The following ATP8A2 variants were observed in gnomAD, a reference collection of about 807,000 sequenced individuals.
ATP8A2 encodes phospholipid-transporting ATPase IB.
Under a neutral mutation model 165.6 loss-of-function variants are expected in ATP8A2, and 100 were observed. The ratio of observed to expected loss-of-function variants is 0.60; its 90% CI spans 0.51 to 0.71. ATP8A2 has a LOEUF of 0.71. ATP8A2 is among the 30% of genes least tolerant of loss of function. ATP8A2 has a pLI of 0.00. For synonymous variants in ATP8A2, 543 were observed against 548.8 expected (o/e 0.99, Z 0.15); for missense variants, 1,227 against 1,479.5 (o/e 0.83, Z 2.80).
At chr13:25,640,902 C>T (rs1298533180) in intron 24 of ATP8A2, among the ~76,000 whole-genome samples, 4 of 152,146 alleles carry the variant, frequency 2.6e-5, no homozygotes, top group African/African-American at 9.7e-5. Context: ...AAAGCTTATC[C>T]ACCATGATCA....
rs1433611461 is a variant in ATP8A2, at chr13:25,712,560, G to A, written c.2384+13215G>A. On this transcript the variant is annotated intron_variant, in intron 25 of 36. Transcript: ENST00000381655. The stretch of plus-strand genomic sequence containing the variant: ...TTTGGTATGAAATCCATGTGCTACT[G>A]ATAGCAGGGTAATCCTGTGGATTTG... Among the ~76,000 whole-genome samples, 3 of 152,334 alleles carry A rather than the reference G, an allele frequency of 2.0e-5. No homozygotes were observed. In the East Asian group the frequency reaches 5.8e-4, roughly 29 times the overall value.
intron 25 of ATP8A2, among the ~76,000 whole-genome samples, chr13:25,706,024 C>T (rs2043048755): frequency 6.6e-6 from 1 of 152,098 alleles, no homozygotes. Flanking sequence ...ATAATGGATT[C>T]AAGGATAAGC....
chr13:25,540,301 T>G lies in ATP8A2; in HGVS notation c.582-18T>G, dbSNP rs1286126603. On this transcript the variant is annotated intron_variant, in intron 7 of 36. Coordinates refer to ENST00000381655, the MANE Select transcript of ATP8A2 (RefSeq NM_016529.6). ...AAAGGACCTTATGAAACTTGGCTCT[T>G]TTTTTCTCTCTCCTTAGTGAACCTC... 1 of 1,607,324 alleles carries G rather than the reference T, an allele frequency of 6.2e-7. No homozygotes were observed. Among genetic ancestry groups the G allele is most frequent in the East Asian group, 2.2e-5 (1 of 44,858 alleles).
intron 24 of ATP8A2, among the ~76,000 whole-genome samples, chr13:25,614,855 T>C (rs4272885): frequency 0.71 from 108,304 of 152,208 alleles, 40,194 homozygotes; most frequent in Non-Finnish European, 0.82. Flanking sequence ...TGATGTGGAC[T>C]GTCTACAGGT....
intron 1 of ATP8A2, among the ~76,000 whole-genome samples, chr13:25,413,971 C>T (rs989763411): frequency 3.3e-5 from 5 of 152,018 alleles, no homozygotes; most frequent in South Asian, 2.1e-4. Context: ...ATGAGGGCAG[C>T]GGAGTGAGCG....
intron 1 of ATP8A2, among the ~76,000 whole-genome samples, chr13:25,432,881 A>T (rs191120169): frequency 1.3e-5 from 2 of 152,170 alleles, no homozygotes; most frequent in Non-Finnish European, 2.9e-5. Context: ...TGAGAGGGTC[A>T]GTTTGTGACC....
chr13:25,925,930 T>C (rs1954593541), intron 33 of ATP8A2, among the ~76,000 whole-genome samples: 1 of 152,086 alleles, frequency 6.6e-6, no homozygotes, highest in Non-Finnish European at 1.5e-5. Context: ...TTCTCCATAT[T>C]GGCCAGGCTG....
intron 35 of ATP8A2, among the ~76,000 whole-genome samples, chr13:25,997,359 G>A (rs927276345): frequency 6.6e-6 from 1 of 152,138 alleles, no homozygotes; most frequent in Admixed American, 6.5e-5. Flanking sequence ...TTTCTCTTTG[G>A]CTGCCTTTGG....
intron 33 of ATP8A2, among the ~76,000 whole-genome samples, chr13:25,908,804 C>A (rs992066258): frequency 1.3e-5 from 2 of 152,240 alleles, no homozygotes; most frequent in African/African-American, 4.8e-5. Context: ...GGTTCCATGA[C>A]TTCCACAGCA....
At chr13:25,767,280 G>C (rs1240874219) in intron 25 of ATP8A2, among the ~76,000 whole-genome samples, 1 of 152,194 alleles carries the variant, frequency 6.6e-6, no homozygotes, top group Non-Finnish European at 1.5e-5. Flanking sequence ...TTGACTAGAG[G>C]CTTCATTGAT....
intron 1 of ATP8A2, among the ~76,000 whole-genome samples, chr13:25,435,021 C>T (rs2034716780): frequency 6.6e-6 from 1 of 152,010 alleles, no homozygotes; most frequent in South Asian, 2.1e-4. Context: ...TGCATCCGTT[C>T]TGTGCTGGGG....
chr13:25,428,672 G>C (rs1000840213), intron 1 of ATP8A2, among the ~76,000 whole-genome samples: 1 of 152,114 alleles, frequency 6.6e-6, no homozygotes, highest in African/African-American at 2.4e-5. Context: ...GGCAATGCTC[G>C]CAAGTATAAC....
chr13:25,456,809 G>C (rs1328882781), intron 1 of ATP8A2, among the ~76,000 whole-genome samples: 2 of 152,138 alleles, frequency 1.3e-5, no homozygotes, highest in South Asian at 2.1e-4. Flanking sequence ...ATGACTTCCT[G>C]TCTGCTTGAG....
At position 25,579,933 on chromosome 13, in the gene ATP8A2, G is replaced by A. The variant is rs535509828; in HGVS notation, c.1993G>A (p.Glu665Lys). 15 of 1,614,014 alleles carry A rather than the reference G, an allele frequency of 9.3e-6. No homozygotes were observed. In the Admixed American group the frequency reaches 1.2e-4, roughly 13 times the overall value. The stretch of plus-strand genomic sequence containing the variant: ...AGCTCAACGGTTGGAAGAGTGTTAC[G>A]AGATCATTGAGAAGGTAACCGCACA... ...DRAQRLEECY[E>K]IIEKNLLLLG... is the part of the protein sequence containing the mutation. Residue 665 changes from glutamate to lysine, a missense_variant, in exon 22 of 37, where the codon GAG (glutamate) becomes AAG (lysine). Coordinates refer to ENST00000381655, the MANE Select transcript of ATP8A2 (RefSeq NM_016529.6).
chr13:25,619,727 G>C (rs2040921477), intron 24 of ATP8A2, among the ~76,000 whole-genome samples: 1 of 152,224 alleles, frequency 6.6e-6, no homozygotes, highest in South Asian at 2.1e-4. Flanking sequence ...AGGTAAATAA[G>C]AAATTATCTA....
intron 17 of ATP8A2, among the ~76,000 whole-genome samples, chr13:25,571,298 G>A (rs556947898): frequency 2.0e-5 from 3 of 152,206 alleles, no homozygotes; most frequent in Non-Finnish European, 2.9e-5. Context: ...CAGAGGAGAT[G>A]TTTGGTGGGA....
chr13:25,780,249 C>A (rs1285631958), intron 27 of ATP8A2, among the ~76,000 whole-genome samples: 2 of 152,094 alleles, frequency 1.3e-5, no homozygotes, highest in East Asian at 3.8e-4. Flanking sequence ...AGTCTGAAAT[C>A]ATAATGGTGA....
intron 25 of ATP8A2, among the ~76,000 whole-genome samples, chr13:25,725,130 C>G (rs890652726): frequency 2.6e-5 from 4 of 152,152 alleles, no homozygotes; most frequent in African/African-American, 9.7e-5. Context: ...TCTCTGAAGG[C>G]CATTGGTAAC....
At chr13:25,692,711 T>C (rs2042751745) in intron 24 of ATP8A2, among the ~76,000 whole-genome samples, 2 of 152,170 alleles carry the variant, frequency 1.3e-5, no homozygotes, top group Admixed American at 6.5e-5. Context: ...CTCCTGAGAT[T>C]ATAAGGTGGT....
Sources: allele counts gnomAD v4.1 joint callset (sites outside exome capture counted in the v4.1 genomes callset), GRCh38; gene constraint gnomAD v4.1.1; transcripts MANE v1.5; gene names NCBI Gene and HGNC (gene_info 2026-07-23, HGNC 2026-07-21).